LRRC34: variants seen among roughly 807,000 people sequenced by gnomAD.
The protein encoded by LRRC34 is leucine-rich repeat-containing protein 34.
A neutral mutation model predicts 48.5 loss-of-function variants in LRRC34; 44 were observed. That is an observed-to-expected ratio of 0.91 (90% CI 0.71 to 1.17). The LOEUF is 1.17. LRRC34 is among the 50% of genes most tolerant of loss of function. LRRC34 has a pLI of 0.00. For missense variants in LRRC34, 502 were observed against 563.0 expected, an observed-to-expected ratio of 0.89 and a Z score of 1.10; for synonymous variants, 192 against 197.6, an observed-to-expected ratio of 0.97 and a Z score of 0.24.
At chr3:169,794,207 T>C (rs1474506307) in intron 10 of LRRC34, 4 of 180,396 alleles carry the variant, frequency 2.2e-5, no homozygotes, top group Non-Finnish European at 1.2e-5. Context: ...GGGGGCTCGG[T>C]AGGAGGCCTA....
At chr3:169,805,840 C>T (rs896273606) in intron 5 of LRRC34, among the ~76,000 whole-genome samples, 6 of 147,410 alleles carry the variant, frequency 4.1e-5, no homozygotes, top group African/African-American at 1.0e-4. Flanking sequence ...GCCAAAATCG[C>T]GCCATTGCAC....
chr3:169,793,370 C>CCCTA lies in LRRC34; in HGVS notation c.*264_*265insTAGG. On this transcript the variant is annotated 3_prime_UTR_variant, in exon 11 of 11. Transcript: ENST00000446859. ...CTATTTCACTACTTGGTTATATTTT[C>CCCTA]ATTATAAAAAGAAATTTAGTCTAGT... 1.0e-5 allele frequency: 3 copies of CCCTA among 289,030 alleles called. No individual in the cohort carries two copies. The highest frequency in any genetic ancestry group is 1.9e-5 in the Non-Finnish European group (3 of 157,206). The allele number at this position is 289,030 out of a possible 1,614,324, so 17.9% of individuals were successfully genotyped here. A position where few individuals can be genotyped will look rare whatever the true frequency, so the allele number is the denominator to read the frequency against.
At position 169,793,554 on chromosome 3, in the gene LRRC34, A is replaced by T; in HGVS notation, c.*81T>A. The T allele has an allele frequency of 9.7e-7, 1 of 1,025,976 alleles. No homozygotes were observed. The highest frequency in any genetic ancestry group is 1.4e-6 in the Non-Finnish European group (1 of 707,020). 63.6% of individuals were successfully genotyped at this position (1,025,976 alleles called of 1,614,324 possible). ...TGAAAAAAGTAACTTGTTTTAATTT[A>T]TAAAAGAAAATAGGCTATAGAATAT... On this transcript the variant is annotated 3_prime_UTR_variant, in exon 11 of 11. Coordinates refer to ENST00000446859, the MANE Select transcript of LRRC34 (RefSeq NM_001172779.2).
Position 169,812,574 on chromosome 3 carries a change from C to T in LRRC34, c.-26G>A. 1 of 1,456,472 alleles carries T rather than the reference C, an allele frequency of 6.9e-7. No individual in the cohort carries two copies. Among genetic ancestry groups the T allele is most frequent in the South Asian group, 1.4e-5 (1 of 71,486 alleles). The allele number at this position is 1,456,472 out of a possible 1,614,324, so 90.2% of individuals were successfully genotyped here. The stretch of plus-strand genomic sequence containing the variant: ...GGCGACCGCGCGCGCACTTACAGTC[C>T]GCCTGCAGCTGTGAGGCGGCTACAC... On this transcript the variant is annotated 5_prime_UTR_variant, in exon 1 of 11. Coordinates refer to ENST00000446859, the MANE Select transcript of LRRC34 (RefSeq NM_001172779.2). The surrounding 1 kb of genome is among the most constrained non-coding windows in gnomAD (Gnocchi z 4.3).
At chr3:169,806,757 G>A in intron 5 of LRRC34, 91 bp downstream of exon 5, 1 of 700,494 alleles carries the variant, frequency 1.4e-6, no homozygotes, top group Non-Finnish European at 2.4e-6. Flanking sequence ...ATTAAAATAA[G>A]TTCACTTCAA....
Position 169,793,856 on chromosome 3 carries a change from A to T in LRRC34, c.1192-18T>A. The T allele has an allele frequency of 6.4e-7, 1 of 1,553,574 alleles. No homozygotes were observed. Among genetic ancestry groups the T allele is most frequent in the Non-Finnish European group, 8.8e-7 (1 of 1,140,498 alleles). The stretch of plus-strand genomic sequence containing the variant: ...GAATATGCCTAGGATTTTTAGGAAA[A>T]AAACTATATCATTAAGAAAAAATGT... On this transcript the variant is annotated intron_variant, in intron 10 of 10. Transcript: ENST00000446859.
At chr3:169,806,077 A>C (rs138054019) in intron 5 of LRRC34, among the ~76,000 whole-genome samples, 1 of 152,290 alleles carries the variant, frequency 6.6e-6, no homozygotes, top group African/African-American at 2.4e-5. Context: ...TGGCATAAGG[A>C]TAGACATACA....
Position 169,796,825 on chromosome 3 carries a change from A to G in LRRC34, c.828T>C (p.His276=). ...HCLVALHMCK[H]DIKNSGIQQL... ...GTTGTATACCACTGTTTTTTATATC[A>G]TGCTTACACATGTGTAGTGCAACAA... Residue 276 remains histidine, a synonymous_variant, in exon 8 of 11, where the codon CAT becomes CAC. Transcript: ENST00000446859. 6.2e-7 allele frequency: 1 copy of G among 1,611,960 alleles called. No homozygotes were observed. The highest frequency in any genetic ancestry group is 2.2e-5 in the East Asian group (1 of 44,706).
In LRRC34 at chr3:169,807,719, TACAAAAA is replaced by T; in HGVS notation, c.258-17_258-11del. 1.5e-6 allele frequency: 1 copy of T among 650,642 alleles called. No individual in the cohort carries two copies. 40.3% of individuals were successfully genotyped at this position (650,642 alleles called of 1,614,324 possible). A position where few individuals can be genotyped will look rare whatever the true frequency, so the allele number is the denominator to read the frequency against. On this transcript the variant is annotated splice_polypyrimidine_tract_variant and intron_variant, in intron 2 of 10. Coordinates refer to ENST00000446859, the MANE Select transcript of LRRC34 (RefSeq NM_001172779.2). ...GATTCCTGCTGCTAGCCTGTTAAAA[TACAAAAA>T]AAAAAAAAAAAAAAAAAGATTTTGA...
At chr3:169,802,505 T>C (rs2108234417) in intron 6 of LRRC34, among the ~76,000 whole-genome samples, 1 of 152,336 alleles carries the variant, frequency 6.6e-6, no homozygotes, top group East Asian at 1.9e-4. Flanking sequence ...CACTTTCCTC[T>C]ACTTCTTCAT....
intron 4 of LRRC34, 32 bp downstream of exon 4, chr3:169,807,394 G>T: frequency 6.3e-7 from 1 of 1,590,056 alleles, no homozygotes; most frequent in South Asian, 1.1e-5. Context: ...CATTGTAAAT[G>T]GAACTAAGGA....
rs142362395 is a variant in LRRC34, at chr3:169,796,832, C to A, written c.821G>T (p.Cys274Phe). 1.0e-4 allele frequency: 166 copies of A among 1,611,614 alleles called. 1 individual carries two copies. In the Admixed American group the frequency reaches 1.2e-3, roughly 11 times the overall value. The change falls in exon 8 of 11, where the codon TGT (cysteine) becomes TTT (phenylalanine). Residue 274 changes from cysteine to phenylalanine, a missense_variant. Transcript: ENST00000446859. ...ENHCLVALHM[C>F]KHDIKNSGIQ... ...ACCACTGTTTTTTATATCATGCTTACACATGTGTAGTGCAACAAGACAGTG... is the reference window on the plus strand; with the variant it reads ...ACCACTGTTTTTTATATCATGCTTAAACATGTGTAGTGCAACAAGACAGTG...
chr3:169,806,078 T>A (rs952333054), intron 5 of LRRC34, among the ~76,000 whole-genome samples: 1 of 152,106 alleles, frequency 6.6e-6, no homozygotes. Flanking sequence ...GGCATAAGGA[T>A]AGACATACAG....
intron 2 of LRRC34, 98 bp from the exon 3 acceptor site, chr3:169,807,807 A>G: frequency 7.8e-7 from 1 of 1,279,798 alleles, no homozygotes. Context: ...AAATAGTCAT[A>G]TCACAGATAT....
chr3:169,805,406 T>TA (rs201950124), intron 5 of LRRC34, among the ~76,000 whole-genome samples: 2,181 of 151,878 alleles, frequency 0.014, 20 homozygotes, highest in Middle Eastern at 0.027. Flanking sequence ...TACAATAGCA[T>TA]AAAAAAAAGT....
chr3:169,795,764 T>C (rs1051622534), intron 9 of LRRC34, 153 bp from the exon 10 acceptor site: 138 of 1,343,598 alleles, frequency 1.0e-4, no homozygotes, highest in Non-Finnish European at 1.2e-4. Context: ...AGAAACTTAG[T>C]TTTCTAATTA....
At position 169,793,569 on chromosome 3, in the gene LRRC34, C is replaced by A; in HGVS notation, c.*66G>T. 8.8e-7 allele frequency: 1 copy of A among 1,136,630 alleles called. No homozygotes were observed. Among genetic ancestry groups the A allele is most frequent in the South Asian group, 1.5e-5 (1 of 67,326 alleles). The allele number at this position is 1,136,630 out of a possible 1,614,324, so 70.4% of individuals were successfully genotyped here. ...GTTTTAATTTATAAAAGAAAATAGG[C>A]TATAGAATATTAATCTCTGTGAAAC... On this transcript the variant is annotated 3_prime_UTR_variant, in exon 11 of 11. Transcript: ENST00000446859.
rs1163562562 is a variant in LRRC34 at position 169,793,525 on chromosome 3, C to T, written c.*110G>A. 2 of 778,852 alleles carry T rather than the reference C, an allele frequency of 2.6e-6. No homozygotes were observed. The highest frequency in any genetic ancestry group is 4.0e-6 in the Non-Finnish European group (2 of 499,194). 48.2% of individuals were successfully genotyped at this position (778,852 alleles called of 1,614,324 possible). A position where few individuals can be genotyped will look rare whatever the true frequency, so the allele number is the denominator to read the frequency against. On this transcript the variant is annotated 3_prime_UTR_variant, in exon 11 of 11. Coordinates refer to ENST00000446859, the MANE Select transcript of LRRC34 (RefSeq NM_001172779.2). ...TTTAATACAGTCATTATCTTTTACACATTTGAAAAAAGTAACTTGTTTTAA... is the reference window on the plus strand; with the variant it reads ...TTTAATACAGTCATTATCTTTTACATATTTGAAAAAAGTAACTTGTTTTAA...
chr3:169,805,593 C>T (rs1436462306), intron 5 of LRRC34, among the ~76,000 whole-genome samples: 1 of 152,080 alleles, frequency 6.6e-6, no homozygotes, highest in Non-Finnish European at 1.5e-5. Flanking sequence ...CTATTAAAAT[C>T]CCAGCTGCTG....
Sources: gnomAD v4.1 joint callset for allele counts (sites outside exome capture counted in the v4.1 genomes callset) on GRCh38, gnomAD v4.1.1 for gene constraint, Gnocchi (gnomAD v3.1) non-coding constraint, MANE v1.5 for transcripts, NCBI Gene and HGNC (gene_info 2026-07-23, HGNC 2026-07-21) for gene names.